Variants in MID1 observed in about 807,000 individuals in gnomAD.
The protein encoded by MID1 is midline 1.
A neutral mutation model predicts 40.4 loss-of-function variants in MID1; 7 were observed. The observed-to-expected ratio is 0.17, with a 90% confidence interval of 0.10 to 0.33. The LOEUF is 0.33. MID1 is among the 10% of genes least tolerant of loss of function. The pLI is 1.00. For synonymous variants in MID1, 229 were observed against 221.2 expected (o/e 1.04, Z -0.31); for missense variants, 367 against 558.5 (o/e 0.66, Z 3.46).
At chrX:10,568,895 G>A (rs1407225906) in intron 1 of MID1, among the ~76,000 whole-genome samples, 1 of 111,901 alleles carries the variant, frequency 8.9e-6, no homozygotes, top group Non-Finnish European at 1.9e-5. Flanking sequence ...CTGCAGACCA[G>A]TGATGGGAAT....
At chrX:10,566,864 T>C in intron 2 of MID1, 24 bp downstream of exon 2, 2 of 1,206,287 alleles carry the variant, frequency 1.7e-6, no homozygotes, top group African/African-American at 3.5e-5. Flanking sequence ...AGAAAGGGGT[T>C]GGCTTAAGGC....
intron 6 of MID1, among the ~76,000 whole-genome samples, chrX:10,473,961 C>G (rs147862982): frequency 3.3e-4 from 37 of 111,882 alleles, no homozygotes; most frequent in Non-Finnish European, 5.6e-4. Context: ...AAACAAAACA[C>G]CAACCAGGAA....
rs200911479 is a variant in MID1, at chrX:10,562,644, C to CA, written c.660+4243dup. Among the ~76,000 whole-genome samples the CA allele has an allele frequency of 4.9e-4, 50 of 102,809 alleles. 1 individual carries two copies. The highest frequency in any genetic ancestry group is 8.3e-4 in the Non-Finnish European group (43 of 51,506). 89.3% of individuals were successfully genotyped at this position (102,809 alleles called of 115,157 possible). ...TAAAAAATACACATATTTGTAACTT[C>CA]AAAAAAAAACCCCTTCAAGATAAGA... On this transcript the variant is annotated intron_variant, in intron 2 of 9. Transcript: ENST00000317552.
chrX:10,789,810 C>G (rs1169759204), intron 1 of MID1, among the ~76,000 whole-genome samples: 2 of 111,741 alleles, frequency 1.8e-5, no homozygotes, highest in Non-Finnish European at 3.8e-5. Context: ...TTCTGCCCCA[C>G]CCTTGACTGA....
intron 1 of MID1, among the ~76,000 whole-genome samples, chrX:10,657,589 T>G (rs2042883277): frequency 8.9e-6 from 1 of 111,953 alleles, no homozygotes; most frequent in Non-Finnish European, 1.9e-5. Context: ...AAATTTTTGG[T>G]TATAACCTGA....
chrX:10,591,145 G>A (rs1569119787), intron 1 of MID1, among the ~76,000 whole-genome samples: 1 of 111,986 alleles, frequency 8.9e-6, no homozygotes, highest in Non-Finnish European at 1.9e-5. Context: ...GAGCTTTCAA[G>A]GTGGCTAAGC....
At chrX:10,595,983 ATTTC>A in intron 1 of MID1, among the ~76,000 whole-genome samples, 1 of 112,088 alleles carries the variant, frequency 8.9e-6, no homozygotes, top group African/African-American at 3.2e-5. Context: ...TTTAAAAAAA[ATTTC>A]TTTCCTCAGC....
At chrX:10,609,856 T>G (rs1164295704) in intron 1 of MID1, among the ~76,000 whole-genome samples, 1 of 109,475 alleles carries the variant, frequency 9.1e-6, no homozygotes, top group East Asian at 2.8e-4. Context: ...TAGCTGGGAC[T>G]ACAGGCGCCC....
At chrX:10,650,653 C>T (rs1602496231) in intron 1 of MID1, among the ~76,000 whole-genome samples, 1 of 111,592 alleles carries the variant, frequency 9.0e-6, no homozygotes, top group East Asian at 2.8e-4. Flanking sequence ...TCCCTAAAAT[C>T]ATCCACACTT....
At chrX:10,679,076 T>C (rs1353081832) in intron 1 of MID1, among the ~76,000 whole-genome samples, 1 of 112,116 alleles carries the variant, frequency 8.9e-6, no homozygotes, top group African/African-American at 3.2e-5. Flanking sequence ...AGAAATGTCA[T>C]ATTTTCAAGC....
chrX:10,649,515 G>A (rs918231143), intron 1 of MID1, among the ~76,000 whole-genome samples: 1 of 112,063 alleles, frequency 8.9e-6, no homozygotes, highest in Non-Finnish European at 1.9e-5. Flanking sequence ...TTTTCGTTTT[G>A]TGAATCATAT....
intron 3 of MID1, among the ~76,000 whole-genome samples, chrX:10,515,103 C>T (rs1470375355): frequency 2.7e-5 from 3 of 112,198 alleles, no homozygotes; most frequent in Non-Finnish European, 3.8e-5. Flanking sequence ...CCAATGACTC[C>T]GGATGAAGCC....
chrX:10,680,665 C>T (rs2147069333), intron 1 of MID1, among the ~76,000 whole-genome samples: 1 of 111,226 alleles, frequency 9.0e-6, no homozygotes, highest in African/African-American at 3.3e-5. Flanking sequence ...AATTGAACTG[C>T]CAAAAGCTCA....
intron 4 of MID1, among the ~76,000 whole-genome samples, chrX:10,493,246 C>T (rs925989720): frequency 3.6e-5 from 4 of 111,645 alleles, no homozygotes; most frequent in East Asian, 2.8e-4. Context: ...TCAGAGAAGA[C>T]GTGAGGATGG....
At chrX:10,830,910 G>A (rs994292406) in intron 1 of MID1, among the ~76,000 whole-genome samples, 2 of 111,920 alleles carry the variant, frequency 1.8e-5, no homozygotes, top group African/African-American at 3.2e-5. Flanking sequence ...GATTGCATGA[G>A]CCCCCAGGCC....
chrX:10,635,747 T>C (rs1936102433), intron 1 of MID1, among the ~76,000 whole-genome samples: 1 of 112,354 alleles, frequency 8.9e-6, no homozygotes, highest in East Asian at 2.8e-4. Context: ...AGAACTTAAG[T>C]TCTTTACATA....
At chrX:10,804,114 T>A (rs2044027970) in intron 1 of MID1, among the ~76,000 whole-genome samples, 1 of 112,239 alleles carries the variant, frequency 8.9e-6, no homozygotes, top group Non-Finnish European at 1.9e-5. Flanking sequence ...TATAATAGCA[T>A]TTCCTTTTGA....
intron 1 of MID1, among the ~76,000 whole-genome samples, chrX:10,777,785 C>T (rs1486276947): frequency 2.7e-5 from 3 of 111,614 alleles, no homozygotes; most frequent in South Asian, 3.7e-4. Context: ...GTGATCTACC[C>T]GCCTCAGCTT....
chrX:10,601,541 A>G (rs1303463368), intron 1 of MID1, among the ~76,000 whole-genome samples: 1 of 111,977 alleles, frequency 8.9e-6, no homozygotes, highest in Non-Finnish European at 1.9e-5. Flanking sequence ...CACAAAACCC[A>G]AAATATTTAC....
Sources: allele counts gnomAD v4.1 joint callset (sites outside exome capture counted in the v4.1 genomes callset), GRCh38; gene constraint gnomAD v4.1.1; transcripts MANE v1.5; gene names NCBI Gene and HGNC (gene_info 2026-07-23, HGNC 2026-07-21).